Variants in PDE11A observed in about 807,000 individuals in gnomAD.
PDE11A encodes the protein dual 3',5'-cyclic-AMP and -GMP phosphodiesterase 11A.
A neutral mutation model predicts 100.5 loss-of-function variants in PDE11A; 100 were observed. The ratio of observed to expected loss-of-function variants is 1.00; its 90% CI spans 0.85 to 1.18. The LOEUF (loss-of-function observed/expected upper bound fraction) is 1.18. PDE11A is among the 50% of genes most tolerant of loss of function. The pLI is 0.00. For missense variants in PDE11A, 1,141 were observed against 1,152.6 expected (o/e 0.99, Z 0.15); for synonymous variants, 381 against 420.8 (o/e 0.91, Z 1.16).
chr2:178,005,047 G>A (rs552085659), intron 2 of PDE11A, among the ~76,000 whole-genome samples: 2 of 151,890 alleles, frequency 1.3e-5, no homozygotes, highest in African/African-American at 2.4e-5. Flanking sequence ...GCAGGATCTA[G>A]GTAAGGTAGT....
At chr2:177,801,209 C>T (rs749523890) in intron 9 of PDE11A, among the ~76,000 whole-genome samples, 1 of 152,036 alleles carries the variant, frequency 6.6e-6, no homozygotes, top group Non-Finnish European at 1.5e-5. Context: ...CACAGTAGCC[C>T]CATATTTTTA....
At chr2:177,946,107 G>A (rs1423509437) in intron 2 of PDE11A, among the ~76,000 whole-genome samples, 1 of 116,628 alleles carries the variant, frequency 8.6e-6, no homozygotes. Context: ...AGGTGGGGGG[G>A]GGTCAGCCCT....
chr2:177,958,568 A>G (rs977889972), intron 2 of PDE11A, among the ~76,000 whole-genome samples: 4 of 152,206 alleles, frequency 2.6e-5, no homozygotes, highest in African/African-American at 9.6e-5. Context: ...ATACACTGGG[A>G]TTAATTAATC....
At chr2:177,643,168 T>C (rs570406829) in intron 19 of PDE11A, among the ~76,000 whole-genome samples, 6 of 152,294 alleles carry the variant, frequency 3.9e-5, no homozygotes, top group African/African-American at 1.2e-4. Context: ...GACACCCGAA[T>C]ATGTGGAAGC....
chr2:177,681,512 G>A (rs561678312), intron 15 of PDE11A, among the ~76,000 whole-genome samples: 1 of 152,066 alleles, frequency 6.6e-6, no homozygotes, highest in Non-Finnish European at 1.5e-5. Context: ...TCTAACACGG[G>A]GGTTTCAGTT....
At chr2:177,979,073 A>G (rs1210425960) in intron 2 of PDE11A, among the ~76,000 whole-genome samples, 1 of 108,166 alleles carries the variant, frequency 9.2e-6, no homozygotes, top group Non-Finnish European at 1.9e-5. Flanking sequence ...AACTTAGAGT[A>G]TAATAAAAAA....
intron 1 of PDE11A, among the ~76,000 whole-genome samples, chr2:178,034,834 A>C (rs958337376): frequency 2.0e-5 from 3 of 152,242 alleles, no homozygotes; most frequent in Non-Finnish European, 4.4e-5. Context: ...AATGAGAACA[A>C]AGACACAACA....
At chr2:177,888,973 G>A (rs867236337) in intron 4 of PDE11A, among the ~76,000 whole-genome samples, 1 of 152,130 alleles carries the variant, frequency 6.6e-6, no homozygotes. Flanking sequence ...GCCTTACTTC[G>A]ATATTTAAAT....
intron 2 of PDE11A, among the ~76,000 whole-genome samples, chr2:178,102,899 T>C (rs1384626812): frequency 1.3e-5 from 2 of 148,288 alleles, no homozygotes; most frequent in Non-Finnish European, 2.9e-5. Flanking sequence ...GAGCCCTTAA[T>C]CCAATATGAT....
At chr2:177,668,519 G>C (rs2080624102) in intron 18 of PDE11A, among the ~76,000 whole-genome samples, 1 of 152,108 alleles carries the variant, frequency 6.6e-6, no homozygotes, top group Non-Finnish European at 1.5e-5. Context: ...AACCTATGTA[G>C]CCTCCTGATC....
chr2:177,944,800 A>AGCGCTC, intron 2 of PDE11A, among the ~76,000 whole-genome samples: 1 of 83,576 alleles, frequency 1.2e-5, no homozygotes, highest in Non-Finnish European at 2.9e-5. Flanking sequence ...AGAAGATGCG[A>AGCGCTC]GCGCTCTCCC....
chr2:178,074,026 G>A (rs1238051763), upstream of PDE11A, among the ~76,000 whole-genome samples: 2 of 151,846 alleles, frequency 1.3e-5, no homozygotes, highest in Non-Finnish European at 2.9e-5. Context: ...TCCATACAAT[G>A]GAATATTATT....
chr2:178,018,655 T>C (rs1438101153), intron 1 of PDE11A, among the ~76,000 whole-genome samples: 2 of 152,304 alleles, frequency 1.3e-5, no homozygotes, highest in Non-Finnish European at 2.9e-5. Flanking sequence ...CAAGCAATCC[T>C]CCTGCCTCAG....
intron 4 of PDE11A, among the ~76,000 whole-genome samples, chr2:177,879,058 A>G (rs1236013032): frequency 1.3e-5 from 2 of 152,326 alleles, no homozygotes; most frequent in East Asian, 1.9e-4. Context: ...AAATTCTCCA[A>G]TATTAATAAG....
intron 2 of PDE11A, among the ~76,000 whole-genome samples, chr2:177,970,270 G>C (rs146324742): frequency 1.3e-5 from 2 of 152,214 alleles, no homozygotes; most frequent in East Asian, 3.9e-4. Context: ...GTTTACATTA[G>C]GACTGTAAAA....
At chr2:177,683,759 AC>A (rs1486485926) in intron 15 of PDE11A, among the ~76,000 whole-genome samples, 1 of 152,184 alleles carries the variant, frequency 6.6e-6, no homozygotes, top group Non-Finnish European at 1.5e-5. Context: ...TTATTCTACA[AC>A]ATTACAGTCA....
chr2:177,702,912 G>A (rs901300371), intron 13 of PDE11A, among the ~76,000 whole-genome samples: 11 of 152,068 alleles, frequency 7.2e-5, no homozygotes, highest in Admixed American at 2.0e-4. Context: ...TTTGCTAGGC[G>A]AATCTTAGTG....
At chr2:178,016,549 T>C (rs1010532121) in intron 1 of PDE11A, among the ~76,000 whole-genome samples, 2 of 151,628 alleles carry the variant, frequency 1.3e-5, no homozygotes, top group African/African-American at 4.9e-5. Flanking sequence ...AGGCAGACAA[T>C]GTATAGATGT....
intron 18 of PDE11A, 58 bp from the exon 19 acceptor site, chr2:177,664,007 C>T: frequency 9.9e-7 from 1 of 1,005,534 alleles, no homozygotes; most frequent in Non-Finnish European, 1.6e-6. Flanking sequence ...TTACAGGGTG[C>T]TTTGTCAAAC....
Sources: gnomAD v4.1 joint callset for allele counts (sites outside exome capture counted in the v4.1 genomes callset) on GRCh38, gnomAD v4.1.1 for gene constraint, MANE v1.5 for transcripts, NCBI Gene and HGNC (gene_info 2026-07-23, HGNC 2026-07-21) for gene names.